The following PKIG variants were observed in gnomAD, a reference collection of about 807,000 sequenced individuals.
PKIG encodes the protein cAMP-dependent protein kinase inhibitor gamma.
In PKIG, 1 loss-of-function variant was observed where a neutral mutation model predicts 6.8. The observed-to-expected ratio is 0.15, with a 90% CI of 0.05 to 0.69. The LOEUF is 0.69. PKIG is among the 30% of genes least tolerant of loss of function. PKIG has a pLI of 0.82. For missense variants in PKIG, 77 were observed against 104.0 expected, an observed-to-expected ratio of 0.74 and a Z score of 1.13; for synonymous variants, 39 against 43.0, an observed-to-expected ratio of 0.91 and a Z score of 0.36.
At chr20:44,546,217 T>A (rs1382777580) in intron 1 of PKIG, among the ~76,000 whole-genome samples, 1 of 152,056 alleles carries the variant, frequency 6.6e-6, no homozygotes, top group Non-Finnish European at 1.5e-5. Context: ...GCCATTGCAG[T>A]CCAGCATGGG....
At chr20:44,568,433 C>A (rs939957070) in intron 1 of PKIG, among the ~76,000 whole-genome samples, 4 of 150,988 alleles carry the variant, frequency 2.6e-5, no homozygotes, top group Admixed American at 2.6e-4. Context: ...ACATGAGCCC[C>A]TTCTACATAT....
At chr20:44,617,767 G>C (rs996189288) in intron 3 of PKIG, among the ~76,000 whole-genome samples, 2 of 152,052 alleles carry the variant, frequency 1.3e-5, no homozygotes, top group Admixed American at 1.3e-4. Context: ...AACATTGGCC[G>C]GGCACGGTGG....
At chr20:44,576,158 A>AGAGTGT (rs1213492251) in intron 1 of PKIG, among the ~76,000 whole-genome samples, 3 of 140,600 alleles carry the variant, frequency 2.1e-5, no homozygotes, top group Non-Finnish European at 3.1e-5. Flanking sequence ...GACTAAGTAG[A>AGAGTGT]GTGTGTGTGT....
At chr20:44,591,583 C>T (rs2065033986) in intron 2 of PKIG, among the ~76,000 whole-genome samples, 1 of 109,100 alleles carries the variant, frequency 9.2e-6, no homozygotes, top group South Asian at 3.3e-4. Context: ...AAGATAGACT[C>T]CTTGGGGAGA....
At position 44,614,769 on chromosome 20, in the gene PKIG, T is replaced by C; in HGVS notation, c.151+62T>C. 6.4e-7 allele frequency: 1 copy of C among 1,571,164 alleles called. No individual in the cohort carries two copies. The highest frequency in any genetic ancestry group is 8.7e-7 in the Non-Finnish European group (1 of 1,149,436). ...AGAGGCCCTCTGCCGGGCCCCGGGC[T>C]AGCCTCCAAGTCCTAGACTGCCCAT... is the stretch of plus-strand genomic sequence containing the variant. On this transcript the variant is annotated intron_variant, in intron 3 of 3. Transcript: ENST00000372886. This position sits in a 1 kb window ranked among gnomAD's most constrained non-coding sequence, Gnocchi z 4.6.
intron 2 of PKIG, among the ~76,000 whole-genome samples, chr20:44,598,167 A>T (rs1368386235): frequency 6.6e-6 from 1 of 152,134 alleles, no homozygotes; most frequent in African/African-American, 2.4e-5. Flanking sequence ...GTTACTTCAT[A>T]GGGCCTGTTT....
At position 44,605,919 on chromosome 20, in the gene PKIG, G is replaced by A. The variant is rs540712315; in HGVS notation, c.-23-8615G>A. On this transcript the variant is annotated intron_variant, in intron 2 of 3. Transcript: ENST00000372886. ...TCCAGACCCTGTCTCAAAAAACAAAGTACCAGAAATAAACAAAGGGATTTC... is the reference window on the plus strand; with the variant it reads ...TCCAGACCCTGTCTCAAAAAACAAAATACCAGAAATAAACAAAGGGATTTC... Among the ~76,000 whole-genome samples, 37 of 152,158 alleles carry A rather than the reference G, an allele frequency of 2.4e-4. 1 individual carries two copies. The South Asian group carries it at 7.7e-3, about 32-fold the overall frequency.
At chr20:44,595,230 A>T (rs1032130575) in intron 2 of PKIG, among the ~76,000 whole-genome samples, 1 of 152,218 alleles carries the variant, frequency 6.6e-6, no homozygotes, top group Non-Finnish European at 1.5e-5. Context: ...CGCAGAGAAT[A>T]TATACTTTTC....
At chr20:44,549,429 G>A (rs1481367780) in intron 1 of PKIG, among the ~76,000 whole-genome samples, 1 of 151,926 alleles carries the variant, frequency 6.6e-6, no homozygotes, top group African/African-American at 2.4e-5. Flanking sequence ...TGGAGATTTC[G>A]TTATACTTTG....
intron 3 of PKIG, among the ~76,000 whole-genome samples, chr20:44,617,215 C>T (rs370096380): frequency 6.6e-6 from 1 of 152,138 alleles, no homozygotes; most frequent in East Asian, 1.9e-4. Flanking sequence ...AGGGCTTAGC[C>T]TGAAGGATAA....
At chr20:44,593,402 C>T (rs1568826692) in intron 2 of PKIG, among the ~76,000 whole-genome samples, 1 of 149,784 alleles carries the variant, frequency 6.7e-6, no homozygotes, top group Non-Finnish European at 1.5e-5. Flanking sequence ...CACACACACA[C>T]ACACACACAC....
chr20:44,573,500 A>G (rs2064870921), intron 1 of PKIG, among the ~76,000 whole-genome samples: 2 of 152,260 alleles, frequency 1.3e-5, no homozygotes, highest in South Asian at 4.1e-4. Flanking sequence ...TCAAGTAAAG[A>G]TAGTCATGTC....
intron 1 of PKIG, among the ~76,000 whole-genome samples, chr20:44,585,910 T>G: frequency 6.6e-6 from 1 of 152,330 alleles, no homozygotes; most frequent in African/African-American, 2.4e-5. Flanking sequence ...GGGTAGCAGG[T>G]AAGAGCTCTC....
chr20:44,578,620 G>A (rs1057242872), upstream of PKIG, among the ~76,000 whole-genome samples: 6 of 152,112 alleles, frequency 3.9e-5, no homozygotes, highest in African/African-American at 1.4e-4. Flanking sequence ...ATGTCTAAAA[G>A]CTTCCTAAGG....
chr20:44,608,230 C>T (rs1482862670), intron 2 of PKIG, among the ~76,000 whole-genome samples: 1 of 151,930 alleles, frequency 6.6e-6, no homozygotes, highest in African/African-American at 2.4e-5. Flanking sequence ...TGAATGTGTT[C>T]ACTATAAAAA....
At chr20:44,600,931 G>A (rs565795473) in intron 2 of PKIG, among the ~76,000 whole-genome samples, 4 of 152,058 alleles carry the variant, frequency 2.6e-5, no homozygotes, top group South Asian at 2.1e-4. Context: ...CTTAAGAGAG[G>A]GTTGCAGCTC....
intron 2 of PKIG, among the ~76,000 whole-genome samples, chr20:44,607,373 ATATATTTTTT>A (rs2065173842): frequency 1.8e-5 from 2 of 111,432 alleles, no homozygotes; most frequent in African/African-American, 8.5e-5. Flanking sequence ...ATATATATAT[ATATATTTTTT>A]TTTTTTTTTT....
At position 44,582,612 on chromosome 20, in the gene PKIG, G is replaced by A. The variant is rs373415496; in HGVS notation, c.-213G>A. ...GACACGGGGAAGAGACAGAGAGGAG[G>A]GTAAAGTGAGAATCCTGCCCGCACC... On this transcript the variant is annotated 5_prime_UTR_variant, in exon 1 of 4. Coordinates refer to ENST00000372886, the MANE Select transcript of PKIG (RefSeq NM_001281445.2). 6.6e-5 allele frequency: 10 copies of A among 152,440 alleles called. No individual in the cohort carries two copies. The highest frequency in any genetic ancestry group is 1.9e-4 in the East Asian group (1 of 5,318). 9.4% of individuals were successfully genotyped at this position (152,440 alleles called of 1,614,324 possible).
chr20:44,615,799 C>T (rs1206392903), intron 3 of PKIG, among the ~76,000 whole-genome samples: 2 of 152,118 alleles, frequency 1.3e-5, no homozygotes, highest in South Asian at 4.2e-4. Context: ...AAGACTTTGC[C>T]GGGGCTTGGA....
Sources: allele counts gnomAD v4.1 joint callset (sites outside exome capture counted in the v4.1 genomes callset), GRCh38; gene constraint gnomAD v4.1.1; non-coding constraint Gnocchi (gnomAD v3.1); transcripts MANE v1.5; gene names NCBI Gene and HGNC (gene_info 2026-07-23, HGNC 2026-07-21).